The following TNRC6B variants were observed in gnomAD, a reference collection of about 807,000 sequenced individuals.
The protein encoded by TNRC6B is trinucleotide repeat containing adaptor 6B.
TNRC6B carries 52 observed loss-of-function variants against 203.6 expected under a neutral mutation model. That is an observed-to-expected ratio of 0.26 (90% confidence interval 0.20 to 0.32). TNRC6B has a LOEUF of 0.32. Among genes scored for constraint, TNRC6B ranks in the 10% least tolerant of loss-of-function variants. TNRC6B has a pLI of 1.00. For synonymous variants in TNRC6B, 838 were observed against 845.7 expected (o/e 0.99, Z 0.16); for missense variants, 1,923 against 2,286.2 (o/e 0.84, Z 3.24).
intron 12 of TNRC6B, among the ~76,000 whole-genome samples, chr22:40,299,857 G>T (rs1047991766): frequency 2.0e-5 from 3 of 152,202 alleles, no homozygotes; most frequent in Non-Finnish European, 2.9e-5. Context: ...GGAATCCTCT[G>T]TCGCCAGAGC....
chr22:40,157,990 T>C (rs2068833122), intron 4 of TNRC6B, among the ~76,000 whole-genome samples: 1 of 152,158 alleles, frequency 6.6e-6, no homozygotes, highest in Non-Finnish European at 1.5e-5. Flanking sequence ...AGCTATGCTC[T>C]TGAAAAATAC....
At chr22:40,292,713 G>T (rs138997126) in intron 12 of TNRC6B, among the ~76,000 whole-genome samples, 1 of 152,180 alleles carries the variant, frequency 6.6e-6, no homozygotes, top group African/African-American at 2.4e-5. Flanking sequence ...GCCTAGTGGC[G>T]CTTTTCCCTG....
At chr22:40,134,371 G>A (rs1001640432) in intron 3 of TNRC6B, among the ~76,000 whole-genome samples, 8 of 152,082 alleles carry the variant, frequency 5.3e-5, no homozygotes, top group Non-Finnish European at 1.0e-4. Context: ...TTCCACTAGC[G>A]GAATGTTCTG....
chr22:40,277,678 C>A (rs928506429), intron 8 of TNRC6B, among the ~76,000 whole-genome samples: 1 of 152,158 alleles, frequency 6.6e-6, no homozygotes, highest in Non-Finnish European at 1.5e-5. Context: ...CATTATTTGG[C>A]GGTCACTCAT....
intron 1 of TNRC6B, among the ~76,000 whole-genome samples, chr22:40,100,282 G>C (rs976620740): frequency 3.3e-5 from 5 of 151,634 alleles, no homozygotes; most frequent in African/African-American, 4.9e-5. Context: ...TAGAGACAGG[G>C]TCTCGCCATG....
rs1236937963 is a variant in TNRC6B at position 40,266,604 on chromosome 22, G to A, written c.2374G>A (p.Ala792Thr). 4 of 1,611,980 alleles carry A rather than the reference G, an allele frequency of 2.5e-6. No homozygotes were observed. Among genetic ancestry groups the A allele is most frequent in the Non-Finnish European group, 2.5e-6 (3 of 1,178,778 alleles). The change falls in exon 5 of 23, where the codon GCT (alanine) becomes ACT (threonine). Residue 792 changes from alanine (A) to threonine (T), a missense_variant. Coordinates refer to ENST00000454349, the MANE Select transcript of TNRC6B (RefSeq NM_001162501.2). ...GGGTAATGGTGGCAATGCAAGCCTA[G>A]CTTCAAAAGGTGGGTGGGAGGATTG... ...TWGNGGNASL[A>T]SKGGWEDCKR...
intron 3 of TNRC6B, among the ~76,000 whole-genome samples, chr22:40,137,154 A>G (rs1182497157): frequency 1.3e-5 from 2 of 152,188 alleles, no homozygotes; most frequent in Admixed American, 6.5e-5. Context: ...AGATTTACCC[A>G]TTGTTTAATA....
At chr22:40,148,563 G>A (rs182843924) in intron 3 of TNRC6B, among the ~76,000 whole-genome samples, 1 of 148,140 alleles carries the variant, frequency 6.8e-6, no homozygotes, top group African/African-American at 2.5e-5. Flanking sequence ...GATTACAGGT[G>A]TGGGCCACCG....
chr22:40,136,769 G>C (rs1215748093), intron 3 of TNRC6B, among the ~76,000 whole-genome samples: 1 of 151,912 alleles, frequency 6.6e-6, no homozygotes, highest in Non-Finnish European at 1.5e-5. Context: ...CAAATTTATA[G>C]CTATATATTT....
Position 40,323,217 on chromosome 22 carries a change from G to T in TNRC6B, c.5478G>T (p.Leu1826=). ...SPAPLLPGDL[L]GGGSDSI Reference sequence around the variant, plus strand: ...CTCCTTTACTACCTGGTGACCTTCTGGGAGGAGGGTCGGATTCAATCTGAA... The same window carrying T: ...CTCCTTTACTACCTGGTGACCTTCTTGGAGGAGGGTCGGATTCAATCTGAA... The change falls in exon 23 of 23, where the codon CTG becomes CTT. Residue 1826 remains leucine, a synonymous_variant. Transcript: ENST00000454349. 6.2e-7 allele frequency: 1 copy of T among 1,612,806 alleles called. No homozygotes were observed. Among genetic ancestry groups the T allele is most frequent in the Non-Finnish European group, 8.5e-7 (1 of 1,179,816 alleles).
At chr22:40,232,901 C>T (rs1475753391) in intron 1 of TNRC6B, among the ~76,000 whole-genome samples, 1 of 152,112 alleles carries the variant, frequency 6.6e-6, no homozygotes, top group Admixed American at 6.5e-5. Context: ...CCTGTAATCC[C>T]AGCACTTTAG....
intron 1 of TNRC6B, among the ~76,000 whole-genome samples, chr22:40,045,793 G>A (rs1363197941): frequency 6.6e-6 from 1 of 152,204 alleles, no homozygotes; most frequent in East Asian, 1.9e-4. Context: ...AGTGGTTAAA[G>A]ACGTCCAGTA....
chr22:40,206,114 T>C (rs1454745127), intron 1 of TNRC6B, among the ~76,000 whole-genome samples: 2 of 152,198 alleles, frequency 1.3e-5, no homozygotes, highest in Admixed American at 6.5e-5. Context: ...GTCCAACACA[T>C]AATGAGCCCA....
chr22:40,312,673 T>C (rs1204614143), intron 18 of TNRC6B, 22 bp downstream of exon 18: 1 of 1,603,330 alleles, frequency 6.2e-7, no homozygotes, highest in African/African-American at 1.3e-5. Context: ...AAGCATCTCT[T>C]ATATGTTCAA....
intron 1 of TNRC6B, among the ~76,000 whole-genome samples, chr22:40,115,721 C>T (rs537769010): frequency 7.0e-4 from 107 of 152,126 alleles, no homozygotes; most frequent in Middle Eastern, 3.4e-3. Flanking sequence ...TAGGAGATAA[C>T]ACCTAAAGGA....
In TNRC6B at chr22:40,327,230, A is replaced by G. The variant is rs564110784; in HGVS notation, c.*3989A>G. On this transcript the variant is annotated 3_prime_UTR_variant, in exon 23 of 23. Coordinates refer to ENST00000454349, the MANE Select transcript of TNRC6B (RefSeq NM_001162501.2). ...GACATCCTGAGCAAGGGGGACGCAC[A>G]TGTGTGTGTGTGTGGTCCAGTCACT... The G allele has an allele frequency of 2.0e-5, 3 of 152,416 alleles. No individual in the cohort carries two copies. Among genetic ancestry groups the G allele is most frequent in the East Asian group, 1.9e-4 (1 of 5,178 alleles). 9.4% of individuals were successfully genotyped at this position (152,416 alleles called of 1,614,324 possible).
At chr22:40,154,005 C>T (rs1404640863) in intron 3 of TNRC6B, among the ~76,000 whole-genome samples, 2 of 151,162 alleles carry the variant, frequency 1.3e-5, no homozygotes, top group African/African-American at 2.4e-5. Flanking sequence ...TAGGGTCTCG[C>T]TGTGTTGCCC....
At chr22:40,148,994 A>G (rs2068721239) in intron 3 of TNRC6B, among the ~76,000 whole-genome samples, 2 of 152,218 alleles carry the variant, frequency 1.3e-5, no homozygotes, top group South Asian at 2.1e-4. Context: ...TTAAGCCACC[A>G]GATTTGAAAT....
chr22:40,214,170 G>A (rs2069601926), intron 1 of TNRC6B, among the ~76,000 whole-genome samples: 1 of 152,078 alleles, frequency 6.6e-6, no homozygotes, highest in Non-Finnish European at 1.5e-5. Flanking sequence ...GGGAGGCTGA[G>A]GCAGGAGAAT....
Sources: gnomAD v4.1 joint callset for allele counts (sites outside exome capture counted in the v4.1 genomes callset) on GRCh38, gnomAD v4.1.1 for gene constraint, MANE v1.5 for transcripts, NCBI Gene and HGNC (gene_info 2026-07-23, HGNC 2026-07-21) for gene names.